STX8: variants seen among roughly 807,000 people sequenced by gnomAD.
STX8 encodes syntaxin-8.
Under a neutral mutation model 37.5 loss-of-function variants are expected in STX8, and 23 were observed. The observed-to-expected ratio is 0.61, with a 90% CI of 0.44 to 0.87. STX8 has a LOEUF of 0.87. Ranked by LOEUF, STX8 falls within the 40% of genes least tolerant of loss-of-function variation. STX8 has a pLI of 0.00. For missense variants in STX8, 313 were observed against 284.7 expected, an observed-to-expected ratio of 1.10 and a Z score of -0.71; for synonymous variants, 115 against 99.1, an observed-to-expected ratio of 1.16 and a Z score of -0.95.
chr17:9,360,133 T>C (rs1911013263), intron 7 of STX8, among the ~76,000 whole-genome samples: 1 of 152,060 alleles, frequency 6.6e-6, no homozygotes, highest in African/African-American at 2.4e-5. Flanking sequence ...CTTGCCATAA[T>C]TTAATGGAAA....
At chr17:9,253,732 T>C (rs1356050775) in intron 7 of STX8, among the ~76,000 whole-genome samples, 1 of 152,054 alleles carries the variant, frequency 6.6e-6, no homozygotes, top group Non-Finnish European at 1.5e-5. Flanking sequence ...AGAAGCTCCA[T>C]GCATCAAGGC....
intron 7 of STX8, among the ~76,000 whole-genome samples, chr17:9,324,128 A>T (rs747676819): frequency 0.011 from 843 of 78,018 alleles, 3 homozygotes; most frequent in East Asian, 0.033. Flanking sequence ...TCTCTCTCTC[A>T]CACACACACA....
chr17:9,430,382 C>T (rs961045400), intron 6 of STX8, among the ~76,000 whole-genome samples: 1 of 150,574 alleles, frequency 6.6e-6, no homozygotes, highest in Non-Finnish European at 1.5e-5. Flanking sequence ...TTCCCCATTT[C>T]CCCCTGCCCC....
chr17:9,551,168 AAAG>A (rs1433111302), intron 3 of STX8, among the ~76,000 whole-genome samples: 6 of 152,228 alleles, frequency 3.9e-5, no homozygotes, highest in Non-Finnish European at 8.8e-5. Context: ...CCATGCCAAA[AAAG>A]AAGAACTGCA....
At chr17:9,571,629 G>A (rs916852626) in intron 1 of STX8, among the ~76,000 whole-genome samples, 1 of 146,450 alleles carries the variant, frequency 6.8e-6, no homozygotes, top group African/African-American at 2.5e-5. Context: ...AGTAATCTGG[G>A]CCGGGCATAG....
chr17:9,379,434 G>T (rs1911716019), intron 6 of STX8, among the ~76,000 whole-genome samples: 1 of 152,036 alleles, frequency 6.6e-6, no homozygotes, highest in African/African-American at 2.4e-5. Flanking sequence ...TAACAGAAAG[G>T]TACAGAAAGG....
intron 7 of STX8, among the ~76,000 whole-genome samples, chr17:9,286,308 C>T (rs946927639): frequency 1.3e-5 from 2 of 152,164 alleles, no homozygotes; most frequent in African/African-American, 4.8e-5. Flanking sequence ...ACACATACGC[C>T]GATCTTTGAC....
In STX8 at chr17:9,309,062, C is replaced by T. The variant is rs115047129; in HGVS notation, c.644-58417G>A. ...GCTTATTCTTTAAATTCTGACTTGACTAATAAGGGGGGTAAGGGGTGGCAA... is the reference window on the plus strand; with the variant it reads ...GCTTATTCTTTAAATTCTGACTTGATTAATAAGGGGGGTAAGGGGTGGCAA... On this transcript the variant is annotated intron_variant, in intron 7 of 7. Transcript: ENST00000306357. Among the ~76,000 whole-genome samples, 4 of 149,758 alleles carry T rather than the reference C, an allele frequency of 2.7e-5. No individual in the cohort carries two copies. The South Asian group carries it at 8.4e-4, about 31-fold the overall frequency.
At chr17:9,355,622 C>T (rs1404871442) in intron 7 of STX8, among the ~76,000 whole-genome samples, 2 of 151,688 alleles carry the variant, frequency 1.3e-5, no homozygotes, top group Non-Finnish European at 2.9e-5. Context: ...CCTGCCTCAG[C>T]CTCTCGCCTC....
chr17:9,266,526 G>A (rs1567760197), intron 7 of STX8, among the ~76,000 whole-genome samples: 2 of 152,206 alleles, frequency 1.3e-5, no homozygotes, highest in Non-Finnish European at 2.9e-5. Flanking sequence ...AAATCAAGAG[G>A]AAGCCAGGTC....
At chr17:9,373,860 A>T (rs1911494598) in intron 7 of STX8, among the ~76,000 whole-genome samples, 1 of 151,314 alleles carries the variant, frequency 6.6e-6, no homozygotes, top group South Asian at 2.1e-4. Context: ...AATCGCTCGA[A>T]CCCGGAAGGC....
intron 6 of STX8, among the ~76,000 whole-genome samples, chr17:9,442,607 C>T (rs1225149873): frequency 6.6e-6 from 1 of 152,140 alleles, no homozygotes; most frequent in African/African-American, 2.4e-5. Flanking sequence ...GGGGTTTCAC[C>T]ATGTTGGCCA....
chr17:9,413,091 T>A (rs1226736358), intron 6 of STX8, among the ~76,000 whole-genome samples: 1 of 152,124 alleles, frequency 6.6e-6, no homozygotes. Context: ...TCAAGAAGCT[T>A]ACTAGAGAAA....
At chr17:9,314,886 G>T (rs1457725232) in intron 7 of STX8, among the ~76,000 whole-genome samples, 3 of 149,786 alleles carry the variant, frequency 2.0e-5, no homozygotes, top group African/African-American at 7.3e-5. Context: ...GGCAGATCAC[G>T]AGGTCAAGAG....
intron 7 of STX8, among the ~76,000 whole-genome samples, chr17:9,321,708 C>G (rs530353022): frequency 6.6e-6 from 1 of 151,756 alleles, no homozygotes; most frequent in Non-Finnish European, 1.5e-5. Flanking sequence ...TTAGTAGAGA[C>G]GGGGTTTCAC....
chr17:9,299,901 G>A (rs181427401), intron 7 of STX8, among the ~76,000 whole-genome samples: 7 of 152,248 alleles, frequency 4.6e-5, no homozygotes, highest in Admixed American at 2.0e-4. Context: ...AATCAACTAC[G>A]TTTGCCAACA....
At chr17:9,259,359 C>T (rs74980930) in intron 7 of STX8, among the ~76,000 whole-genome samples, 3,721 of 152,250 alleles carry the variant, frequency 0.024, 159 homozygotes, top group African/African-American at 0.085. Flanking sequence ...GCCTAGTGGT[C>T]GCAGGTGCTC....
At chr17:9,256,245 C>T (rs1032607559) in intron 7 of STX8, among the ~76,000 whole-genome samples, 14 of 152,154 alleles carry the variant, frequency 9.2e-5, no homozygotes, top group African/African-American at 3.1e-4. Context: ...TCTGCCCACA[C>T]GCTCACCCTT....
At position 9,485,597 on chromosome 17, in the gene STX8, T is replaced by C. The variant is rs78748639; in HGVS notation, c.541+6232A>G. 9.6e-3 allele frequency among the ~76,000 whole-genome samples: 1,458 copies of C among 151,652 alleles called. 25 individuals carry two copies. The highest frequency in any genetic ancestry group is 0.033 in the African/African-American group (1,353 of 41,376). On this transcript the variant is annotated intron_variant, in intron 6 of 7. Coordinates refer to ENST00000306357, the MANE Select transcript of STX8 (RefSeq NM_004853.3). ...TTTGTTTTTTTGTTTTTTGGTTTTT[T>C]TTTTTTGAGACAGAGTCTTGCTCTG...
Sources: gnomAD v4.1 joint callset for allele counts (sites outside exome capture counted in the v4.1 genomes callset) on GRCh38, gnomAD v4.1.1 for gene constraint, MANE v1.5 for transcripts, NCBI Gene and HGNC (gene_info 2026-07-23, HGNC 2026-07-21) for gene names.